ITPRID2: variants seen among roughly 807,000 people sequenced by gnomAD.
ITPRID2 encodes ITPR interacting domain containing 2, also known as protein ITPRID2.
Under a neutral mutation model 124.3 loss-of-function variants are expected in ITPRID2, and 60 were observed. The ratio of observed to expected loss-of-function variants is 0.48; its 90% CI spans 0.39 to 0.60. The LOEUF (loss-of-function observed/expected upper bound fraction) is 0.60, where lower values mean the gene tolerates loss of function less well. Ranked by LOEUF, ITPRID2 falls within the 20% of genes least tolerant of loss-of-function variation. The pLI, the probability that ITPRID2 is intolerant of heterozygous loss-of-function variation, is 0.00. For synonymous variants in ITPRID2, 521 were observed against 542.9 expected (o/e 0.96, Z 0.56); for missense variants, 1,553 against 1,512.2 (o/e 1.03, Z -0.45).
At chr2:181,911,186 A>C (rs921248393) in intron 9 of ITPRID2, among the ~76,000 whole-genome samples, 4 of 152,202 alleles carry the variant, frequency 2.6e-5, no homozygotes, top group African/African-American at 9.7e-5. Context: ...GAGAGAGAAG[A>C]GAGAACAACA....
Position 181,922,264 on chromosome 2 carries a change from A to T in ITPRID2, c.3527A>T (p.Glu1176Val), listed in dbSNP as rs778166846. 6.6e-5 allele frequency: 106 copies of T among 1,614,116 alleles called. No homozygotes were observed. The highest frequency in any genetic ancestry group is 8.5e-5 in the Non-Finnish European group (100 of 1,180,048). ...VQTPPDLESSEEVDAAEGAPE... is the reference protein window; with the variant it reads ...VQTPPDLESSVEVDAAEGAPE... ...ACACCTCCAGATTTGGAAAGTTCTG[A>T]GGAAGTTGATGCAGCTGAAGGAGCC... is the stretch of plus-strand genomic sequence containing the variant. Residue 1176 changes from glutamate (E) to valine (V), a missense_variant, in exon 16 of 18, where the codon GAG becomes GTG. Coordinates refer to ENST00000431877, the MANE Select transcript of ITPRID2 (RefSeq NM_001130445.3).
chr2:181,922,433 A>G (rs368866154), intron 16 of ITPRID2, 21 bp downstream of exon 16: 1 of 1,568,144 alleles, frequency 6.4e-7, no homozygotes, highest in Non-Finnish European at 8.7e-7. Flanking sequence ...TCTGTGTTTC[A>G]TTCATTTATT....
chr2:181,930,473 A>T lies in ITPRID2; in HGVS notation c.*926A>T, dbSNP rs1338829732. On this transcript the variant is annotated 3_prime_UTR_variant, in exon 18 of 18. Coordinates refer to ENST00000431877, the MANE Select transcript of ITPRID2 (RefSeq NM_001130445.3). The stretch of plus-strand genomic sequence containing the variant: ...TTTGTTTTTATGAAAAAAAAGGAAA[A>T]TGGTTTCCCATTTGGTTTTATATGT... The T allele has an allele frequency of 6.6e-6, 1 of 152,544 alleles. No homozygotes were observed. Among genetic ancestry groups the T allele is most frequent in the African/African-American group, 2.4e-5 (1 of 41,440 alleles). The allele number at this position is 152,544 out of a possible 1,614,324, so 9.4% of individuals were successfully genotyped here. A position where few individuals can be genotyped will look rare whatever the true frequency, so the allele number is the denominator to read the frequency against.
intron 17 of ITPRID2, 80 bp downstream of exon 17, chr2:181,928,358 G>C (rs1574318136): frequency 1.2e-6 from 1 of 855,682 alleles, no homozygotes; most frequent in Non-Finnish European, 1.8e-6. Flanking sequence ...TAGTATACAG[G>C]TTTGGTTCTC....
At chr2:181,901,542 G>A (rs1191595544) in intron 7 of ITPRID2, among the ~76,000 whole-genome samples, 1 of 151,986 alleles carries the variant, frequency 6.6e-6, no homozygotes, top group East Asian at 1.9e-4. Flanking sequence ...GCTTATTTCT[G>A]ATTTTTTAAA....
Position 181,910,111 on chromosome 2 carries a change from ATTG to A in ITPRID2, c.1486+143_1486+145del. Reference sequence around the variant, plus strand: ...CACACACAGGTAGGCATGATTCACTATTGTTTGTAGAACTTTTTTTGTATTTTT... The same window carrying A: ...CACACACAGGTAGGCATGATTCACTATTTGTAGAACTTTTTTTGTATTTTT... On this transcript the variant is annotated intron_variant, in intron 9 of 17. Coordinates refer to ENST00000431877, the MANE Select transcript of ITPRID2 (RefSeq NM_001130445.3). The surrounding 1 kb of genome is among the most constrained non-coding windows in gnomAD (Gnocchi z 4.1). 2 of 582,228 alleles carry A rather than the reference ATTG, an allele frequency of 3.4e-6. No homozygotes were observed. Among genetic ancestry groups the A allele is most frequent in the South Asian group, 5.3e-5 (2 of 37,884 alleles). 36.1% of individuals were successfully genotyped at this position (582,228 alleles called of 1,614,324 possible). A position where few individuals can be genotyped will look rare whatever the true frequency, so the allele number is the denominator to read the frequency against.
chr2:181,918,312 T>G (rs1294533356), intron 11 of ITPRID2: 4 of 1,133,650 alleles, frequency 3.5e-6, no homozygotes, highest in Non-Finnish European at 4.3e-6. Flanking sequence ...TTTGATTTTG[T>G]TTTTTTTTAG....
chr2:181,913,919 C>G lies in ITPRID2; in HGVS notation c.1561C>G (p.Leu521Val). 1 of 1,612,228 alleles carries G rather than the reference C, an allele frequency of 6.2e-7. No homozygotes were observed. The highest frequency in any genetic ancestry group is 1.3e-5 in the African/African-American group (1 of 74,978). Residue 521 changes from leucine (L) to valine (V), a missense_variant, in exon 10 of 18, where the codon CTT (leucine) becomes GTT (valine). By Grantham distance (32) the Leu-to-Val change is conservative (BLOSUM62 1). Coordinates refer to ENST00000431877, the MANE Select transcript of ITPRID2 (RefSeq NM_001130445.3). Reference protein sequence around the residue: ...FAEDSTDCLSLNHLQVQESLQ... With the variant: ...FAEDSTDCLSVNHLQVQESLQ... The stretch of plus-strand genomic sequence containing the variant: ...TGAAGATTCTACAGACTGCCTATCC[C>G]TTAATCATCTTCAGGTAAAATTTTC...
intron 15 of ITPRID2, among the ~76,000 whole-genome samples, chr2:181,921,716 T>G (rs1242961827): frequency 6.6e-6 from 1 of 152,194 alleles, no homozygotes; most frequent in African/African-American, 2.4e-5. Context: ...CAAGTAAAAT[T>G]TCATCCTACT....
Position 181,902,036 on chromosome 2 carries a change from A to G in ITPRID2, c.983A>G (p.Asn328Ser), listed in dbSNP as rs1315711746. The G allele has an allele frequency of 6.2e-7, 1 of 1,613,252 alleles. No individual in the cohort carries two copies. Among genetic ancestry groups the G allele is most frequent in the Admixed American group, 1.7e-5 (1 of 59,860 alleles). ...SPSAEKGKILNVSVIEESGNK... is the reference protein window; with the variant it reads ...SPSAEKGKILSVSVIEESGNK... ...TCAGCTGAAAAAGGAAAGATTCTAA[A>G]TGTTTCAGTGATTGAAGAAAGTGGC... The change falls in exon 8 of 18, where the codon AAT (asparagine) becomes AGT (serine). Residue 328 changes from asparagine (N) to serine (S), a missense_variant. Asn to Ser is a conservative substitution (Grantham distance 46, BLOSUM62 1). Coordinates refer to ENST00000431877, the MANE Select transcript of ITPRID2 (RefSeq NM_001130445.3). This position sits in a 1 kb window ranked among gnomAD's most constrained non-coding sequence, Gnocchi z 4.4.
Position 181,922,171 on chromosome 2 carries a change from G to A in ITPRID2, c.3434G>A (p.Arg1145Lys). 6.2e-7 allele frequency: 1 copy of A among 1,614,268 alleles called. No homozygotes were observed. Among genetic ancestry groups the A allele is most frequent in the Non-Finnish European group, 8.5e-7 (1 of 1,180,054 alleles). Residue 1145 changes from arginine (R) to lysine (K), a missense_variant, in exon 16 of 18, where the codon AGG becomes AAG. By Grantham distance (26) the Arg-to-Lys change is conservative. Transcript: ENST00000431877. ...AAATCCAAAACCCCATTAGTGGCAA[G>A]GAAGAAAGTGTTCCGAGCATCGGTG... ...VGKSKTPLVARKKVFRASVAL... is the reference protein window; with the variant it reads ...VGKSKTPLVAKKKVFRASVAL...
At chr2:181,893,249 T>C (rs570564540) in intron 2 of ITPRID2, 2 of 153,026 alleles carry the variant, frequency 1.3e-5, no homozygotes, top group Admixed American at 6.5e-5. Flanking sequence ...AATTACATGC[T>C]TTGGCAACTG....
At chr2:181,904,117 T>A (rs186717591) in intron 8 of ITPRID2, among the ~76,000 whole-genome samples, 160 of 152,324 alleles carry the variant, frequency 1.1e-3, no homozygotes, top group African/African-American at 2.4e-3. Flanking sequence ...CTGTAGTTTT[T>A]AAAATTTTTT....
At position 181,922,337 on chromosome 2, in the gene ITPRID2, A is replaced by G. The variant is rs1694542370; in HGVS notation, c.3600A>G (p.Lys1200=). The G allele has an allele frequency of 1.2e-6, 2 of 1,614,050 alleles. No homozygotes were observed. Among genetic ancestry groups the G allele is most frequent in the Non-Finnish European group, 1.7e-6 (2 of 1,180,010 alleles). The part of the protein sequence containing the change: ...PKSEVEEGHG[K]LPSMPAAEEM... ...CTGAAGTGGAAGAAGGGCATGGAAA[A>G]CTCCCATCAATGCCAGCTGCTGAGG... The change falls in exon 16 of 18, where the codon AAA becomes AAG. Residue 1200 remains lysine (K), a synonymous_variant. Coordinates refer to ENST00000431877, the MANE Select transcript of ITPRID2 (RefSeq NM_001130445.3).
rs1574300292 is a variant in ITPRID2 at position 181,922,429 on chromosome 2, T to A, written c.3675+17T>A. On this transcript the variant is annotated intron_variant, in intron 16 of 17. Transcript: ENST00000431877. The stretch of plus-strand genomic sequence containing the variant: ...ATACGGGAGGTGGGTAAAATCTGTG[T>A]TTCATTCATTTATTTGGAGGTATAT... 1 of 1,573,568 alleles carries A rather than the reference T, an allele frequency of 6.4e-7. No homozygotes were observed. The highest frequency in any genetic ancestry group is 1.4e-5 in the African/African-American group (1 of 73,580).
chr2:181,928,185 A>C lies in ITPRID2; in HGVS notation c.3700A>C (p.Ile1234Leu), dbSNP rs770579570. 3.9e-6 allele frequency: 6 copies of C among 1,550,330 alleles called. No homozygotes were observed. The South Asian group carries it at 7.2e-5, about 18-fold the overall frequency. ...REIKESIVGE[I>L]RREIVSGLLA... ...GATTAAAGAGTCTATTGTTGGGGAA[A>C]TCAGACGGGAAATTGTAAGTGGACT... is the stretch of plus-strand genomic sequence containing the variant. The change falls in exon 17 of 18, where the codon ATC becomes CTC. Residue 1234 changes from isoleucine (I) to leucine (L), a missense_variant. Ile to Leu is a conservative substitution (Grantham distance 5, BLOSUM62 2). Transcript: ENST00000431877.
rs559522994 is a variant in ITPRID2 at position 181,905,751 on chromosome 2, T to A, written c.1413+3285T>A. ...TCATACTAATTATTGATTTAACTAA[T>A]GTACTTGACTTCTCATTTTTAGCTG... On this transcript the variant is annotated intron_variant, in intron 8 of 17. Transcript: ENST00000431877. The surrounding 1 kb of genome is among the most constrained non-coding windows in gnomAD (Gnocchi z 4.1). Among the ~76,000 whole-genome samples the A allele has an allele frequency of 9.9e-5, 15 of 152,246 alleles. No homozygotes were observed. The highest frequency in any genetic ancestry group is 2.6e-4 in the Admixed American group (4 of 15,284).
At chr2:181,899,230 G>T in intron 6 of ITPRID2, 118 bp downstream of exon 6, 1 of 720,804 alleles carries the variant, frequency 1.4e-6, no homozygotes, top group South Asian at 2.1e-5. Flanking sequence ...CACAAAAAGA[G>T]CGTTTCCTGT....
intron 16 of ITPRID2, among the ~76,000 whole-genome samples, chr2:181,922,782 C>T (rs998810143): frequency 1.3e-5 from 2 of 151,964 alleles, no homozygotes; most frequent in Non-Finnish European, 2.9e-5. Context: ...TATAGCTGGA[C>T]GTGGTGGCAT....
Sources: allele counts gnomAD v4.1 joint callset (sites outside exome capture counted in the v4.1 genomes callset), GRCh38; gene constraint gnomAD v4.1.1; non-coding constraint Gnocchi (gnomAD v3.1); transcripts MANE v1.5; gene names NCBI Gene and HGNC (gene_info 2026-07-23, HGNC 2026-07-21).